LHFPL2: variants seen among roughly 807,000 people sequenced by gnomAD.
LHFPL2 encodes LHFPL tetraspan subfamily member 2.
Under a neutral mutation model 17.5 loss-of-function variants are expected in LHFPL2, and 7 were observed. That is an observed-to-expected ratio of 0.40 (90% CI 0.23 to 0.75). The LOEUF (loss-of-function observed/expected upper bound fraction) is 0.75, where lower values mean the gene tolerates loss of function less well. Ranked by LOEUF, LHFPL2 falls within the 30% of genes least tolerant of loss-of-function variation. The pLI is 0.37. For synonymous variants in LHFPL2, 134 were observed against 116.2 expected, an observed-to-expected ratio of 1.15 and a Z score of -0.99; for missense variants, 241 against 294.8, an observed-to-expected ratio of 0.82 and a Z score of 1.34.
intron 3 of LHFPL2, among the ~76,000 whole-genome samples, chr5:78,517,542 A>G (rs2362835): frequency 0.13 from 19,181 of 152,256 alleles, 1,558 homozygotes; most frequent in African/African-American, 0.21. Flanking sequence ...ATGGCTGGGG[A>G]GACCTCACAA....
At chr5:78,526,153 C>T (rs1480644886) in intron 3 of LHFPL2, among the ~76,000 whole-genome samples, 3 of 152,116 alleles carry the variant, frequency 2.0e-5, no homozygotes, top group African/African-American at 7.2e-5. Context: ...CACCACTCTA[C>T]AGAGCACTCC....
chr5:78,558,442 C>G (rs2112405606), intron 3 of LHFPL2, among the ~76,000 whole-genome samples: 1 of 152,292 alleles, frequency 6.6e-6, no homozygotes, highest in South Asian at 2.1e-4. Context: ...CCAACTGGAA[C>G]CAAATCTACC....
intron 2 of LHFPL2, among the ~76,000 whole-genome samples, chr5:78,604,580 C>A (rs1744144138): frequency 6.6e-6 from 1 of 152,098 alleles, no homozygotes; most frequent in African/African-American, 2.4e-5. Context: ...ATAAAGAAGC[C>A]CAAACTGTAT....
In LHFPL2 at chr5:78,494,260, T is replaced by A. The variant is rs184800564; in HGVS notation, c.431-5107A>T. 2.7e-4 allele frequency: 165 copies of A among 613,548 alleles called. No homozygotes were observed. In the African/African-American group the frequency reaches 3.0e-3, roughly 11 times the overall value. The allele number at this position is 613,548 out of a possible 1,614,324, so 38.0% of individuals were successfully genotyped here. ...ATGACTGGGTCGCAGCAAGCCCAGC[T>A]GGGAGGAAGAAGAAATGGGGGGGAG... On this transcript the variant is annotated intron_variant, in intron 4 of 4. Coordinates refer to ENST00000380345, the MANE Select transcript of LHFPL2 (RefSeq NM_005779.3).
intron 3 of LHFPL2, among the ~76,000 whole-genome samples, chr5:78,537,997 T>A (rs1012249391): frequency 1.3e-5 from 2 of 152,202 alleles, no homozygotes; most frequent in African/African-American, 4.8e-5. Flanking sequence ...TTGCTCACAG[T>A]AGATGGCACT....
chr5:78,614,728 A>G (rs1187644344), intron 2 of LHFPL2, among the ~76,000 whole-genome samples: 2 of 152,254 alleles, frequency 1.3e-5, no homozygotes, highest in Non-Finnish European at 2.9e-5. Flanking sequence ...TAGAAAAAAA[A>G]GTGACTTCGG....
chr5:78,521,436 T>C (rs1172933611), intron 3 of LHFPL2, among the ~76,000 whole-genome samples: 1 of 152,222 alleles, frequency 6.6e-6, no homozygotes, highest in Non-Finnish European at 1.5e-5. Flanking sequence ...TCCAACCCAA[T>C]AGTCTGGTGA....
chr5:78,627,707 G>C (rs932858225), intron 2 of LHFPL2, among the ~76,000 whole-genome samples: 1 of 152,108 alleles, frequency 6.6e-6, no homozygotes, highest in Non-Finnish European at 1.5e-5. Flanking sequence ...TGAAGCCCTC[G>C]ATAGCTACTT....
intron 1 of LHFPL2, among the ~76,000 whole-genome samples, chr5:78,633,670 G>A (rs541061304): frequency 6.6e-6 from 1 of 152,326 alleles, no homozygotes; most frequent in South Asian, 2.1e-4. Context: ...AATACACAAA[G>A]CTGGTTTTTA....
intron 4 of LHFPL2, among the ~76,000 whole-genome samples, chr5:78,491,875 T>C (rs1327274819): frequency 6.6e-6 from 1 of 152,202 alleles, no homozygotes; most frequent in African/African-American, 2.4e-5. Context: ...TTGAGAAGTA[T>C]AATAATTTGG....
intron 1 of LHFPL2, among the ~76,000 whole-genome samples, chr5:78,637,724 G>A (rs1044063334): frequency 7.2e-5 from 11 of 152,226 alleles, no homozygotes; most frequent in African/African-American, 2.4e-4. Flanking sequence ...TGAGCTCCAC[G>A]GGAGTAGCAG....
At chr5:78,602,850 C>T (rs1445028527) in intron 2 of LHFPL2, among the ~76,000 whole-genome samples, 1 of 151,650 alleles carries the variant, frequency 6.6e-6, no homozygotes, top group African/African-American at 2.4e-5. Flanking sequence ...TTATTTAAAC[C>T]TTACTACCAC....
chr5:78,639,657 T>C (rs1401243587), intron 1 of LHFPL2, among the ~76,000 whole-genome samples: 1 of 152,202 alleles, frequency 6.6e-6, no homozygotes, highest in East Asian at 1.9e-4. Context: ...AATGTGATTT[T>C]AGATTGTTTT....
Position 78,524,051 on chromosome 5 carries a change from T to C in LHFPL2, c.-185-13653A>G, listed in dbSNP as rs549716594. ...CTTAAACTTCTCCAACTGGGAACAC[T>C]CGGTTTTGCCTGATGAGCAGAGGGG... On this transcript the variant is annotated intron_variant, in intron 3 of 4. Coordinates refer to ENST00000380345, the MANE Select transcript of LHFPL2 (RefSeq NM_005779.3). Among the ~76,000 whole-genome samples, 5 of 152,184 alleles carry C rather than the reference T, an allele frequency of 3.3e-5. No individual in the cohort carries two copies. The East Asian group carries it at 9.7e-4, about 29-fold the overall frequency.
intron 1 of LHFPL2, chr5:78,644,342 T>G (rs1745788025): frequency 8.0e-7 from 1 of 1,242,448 alleles, no homozygotes; most frequent in East Asian, 2.5e-5. Flanking sequence ...CTCACTTTTT[T>G]GCTGCATCAG....
Position 78,511,578 on chromosome 5 carries a change from CAA to C in LHFPL2, c.-185-1182_-185-1181del, listed in dbSNP as rs952958682. Among the ~76,000 whole-genome samples the C allele has an allele frequency of 4.6e-5, 7 of 152,292 alleles. 1 individual carries two copies. The highest frequency in any genetic ancestry group is 3.9e-4 in the Admixed American group (6 of 15,312). Reference sequence around the variant, plus strand: ...GGTCAAATCAACTCCATGAGAACTGCAAAGAGCCCCCTGGCATGTTGGGAGTG... The same window carrying C: ...GGTCAAATCAACTCCATGAGAACTGCAGAGCCCCCTGGCATGTTGGGAGTG... On this transcript the variant is annotated intron_variant, in intron 3 of 4. Coordinates refer to ENST00000380345, the MANE Select transcript of LHFPL2 (RefSeq NM_005779.3).
chr5:78,616,162 C>G (rs1744597865), intron 2 of LHFPL2, among the ~76,000 whole-genome samples: 1 of 151,852 alleles, frequency 6.6e-6, no homozygotes, highest in African/African-American at 2.4e-5. Flanking sequence ...AAGTCTCACT[C>G]TGTCACCCAG....
At chr5:78,502,098 T>G (rs548432688) in intron 4 of LHFPL2, among the ~76,000 whole-genome samples, 8 of 152,292 alleles carry the variant, frequency 5.3e-5, no homozygotes, top group African/African-American at 1.9e-4. Context: ...GATATTATAG[T>G]TGGCAAGAAA....
chr5:78,597,085 G>C (rs978855208), intron 2 of LHFPL2, among the ~76,000 whole-genome samples: 4 of 152,230 alleles, frequency 2.6e-5, no homozygotes, highest in Admixed American at 2.6e-4. Context: ...ACAGTCACCT[G>C]TGGGACTCAG....
Sources: allele counts gnomAD v4.1 joint callset (sites outside exome capture counted in the v4.1 genomes callset), GRCh38; gene constraint gnomAD v4.1.1; transcripts MANE v1.5; gene names NCBI Gene and HGNC (gene_info 2026-07-23, HGNC 2026-07-21).